Variants in PLPPR1 observed in about 807,000 individuals in gnomAD.
PLPPR1 encodes the protein phospholipid phosphatase related 1, also known as phospholipid phosphatase-related protein type 1.
A neutral mutation model predicts 33.1 loss-of-function variants in PLPPR1; 10 were observed. The ratio of observed to expected loss-of-function variants is 0.30; its 90% confidence interval spans 0.19 to 0.51. The LOEUF is 0.51. Among genes scored for constraint, PLPPR1 ranks in the 20% least tolerant of loss-of-function variants. The pLI is 0.97. For synonymous variants in PLPPR1, 151 were observed against 151.0 expected (o/e 1.00, Z 0.00); for missense variants, 304 against 408.1 (o/e 0.74, Z 2.20).
At chr9:101,174,265 C>T (rs1825987667) in intron 1 of PLPPR1, among the ~76,000 whole-genome samples, 1 of 152,186 alleles carries the variant, frequency 6.6e-6, no homozygotes, top group African/African-American at 2.4e-5. Flanking sequence ...TTGTTGTTGC[C>T]TAGCTTTTTA....
intron 1 of PLPPR1, among the ~76,000 whole-genome samples, chr9:101,168,799 G>A (rs1387382153): frequency 6.6e-6 from 1 of 152,066 alleles, no homozygotes; most frequent in Admixed American, 6.6e-5. Context: ...CTAAAATATG[G>A]CCCATTTTAC....
intron 2 of PLPPR1, among the ~76,000 whole-genome samples, chr9:101,259,659 C>T (rs1321514319): frequency 6.6e-6 from 1 of 152,140 alleles, no homozygotes; most frequent in Non-Finnish European, 1.5e-5. Context: ...GTCCTGATGA[C>T]ATGTGCCCTA....
intron 2 of PLPPR1, among the ~76,000 whole-genome samples, chr9:101,189,038 T>C (rs1046894851): frequency 6.6e-6 from 1 of 152,090 alleles, no homozygotes. Flanking sequence ...ATGAAGAGAT[T>C]CCAATTCTGA....
In PLPPR1 at chr9:101,294,707, G is replaced by A. The variant is rs574342372; in HGVS notation, c.385+8471G>A. ...ACAGAACCAAAGACAAAAACCACAT[G>A]ATTATCTCAATAGATGCAGAAAAGG... On this transcript the variant is annotated intron_variant, in intron 4 of 7. Transcript: ENST00000374874. Among the ~76,000 whole-genome samples, 983 of 152,174 alleles carry A rather than the reference G, an allele frequency of 6.5e-3. 7 individuals are homozygous for A. The highest frequency in any genetic ancestry group is 0.023 in the African/African-American group (952 of 41,480).
chr9:101,154,596 GC>G (rs1350682218), intron 1 of PLPPR1, among the ~76,000 whole-genome samples: 2 of 152,036 alleles, frequency 1.3e-5, no homozygotes, highest in African/African-American at 4.8e-5. Flanking sequence ...ATTTGACCCA[GC>G]CATCCCATTA....
chr9:101,072,101 A>G (rs1830488452), intron 1 of PLPPR1, among the ~76,000 whole-genome samples: 1 of 152,130 alleles, frequency 6.6e-6, no homozygotes, highest in Non-Finnish European at 1.5e-5. Context: ...CTATTTTAGT[A>G]GTGTATTAGT....
At chr9:101,058,537 A>T (rs769071392) in intron 1 of PLPPR1, among the ~76,000 whole-genome samples, 1 of 152,160 alleles carries the variant, frequency 6.6e-6, no homozygotes, top group Non-Finnish European at 1.5e-5. Flanking sequence ...AGATGCAACT[A>T]CTTAGACTGC....
intron 2 of PLPPR1, among the ~76,000 whole-genome samples, chr9:101,244,891 A>T (rs1588092853): frequency 6.6e-6 from 1 of 152,048 alleles, no homozygotes. Flanking sequence ...TAGAATGCAA[A>T]AAAACACATA....
chr9:101,324,269 A>T lies in PLPPR1; in HGVS notation c.*212A>T. On this transcript the variant is annotated 3_prime_UTR_variant, in exon 8 of 8. Coordinates refer to ENST00000374874, the MANE Select transcript of PLPPR1 (RefSeq NM_207299.2). ...GTCAGCTTTAATATATTTATGCCAGAATTTTAAAACCAACAAAATTTTCTT... is the reference window on the plus strand; with the variant it reads ...GTCAGCTTTAATATATTTATGCCAGTATTTTAAAACCAACAAAATTTTCTT... 1 of 430,900 alleles carries T rather than the reference A, an allele frequency of 2.3e-6. No homozygotes were observed. Among genetic ancestry groups the T allele is most frequent in the Non-Finnish European group, 4.1e-6 (1 of 243,838 alleles). The allele number at this position is 430,900 out of a possible 1,614,324, so 26.7% of individuals were successfully genotyped here. A position where few individuals can be genotyped will look rare whatever the true frequency, so the allele number is the denominator to read the frequency against.
intron 5 of PLPPR1, among the ~76,000 whole-genome samples, chr9:101,309,701 A>G (rs1354834825): frequency 6.6e-6 from 1 of 152,112 alleles, no homozygotes; most frequent in Non-Finnish European, 1.5e-5. Context: ...ACCTAATTAC[A>G]TCCTCCCATT....
chr9:101,223,148 CAAAAAAAAAAAA>C (rs869205435), intron 2 of PLPPR1, among the ~76,000 whole-genome samples: 1 of 23,722 alleles, frequency 4.2e-5, no homozygotes, highest in Non-Finnish European at 8.8e-5. Flanking sequence ...CCCATCTCTA[CAAAAAAAAAAAA>C]AAAAAAAAAA....
At chr9:101,295,418 C>T (rs975998832) in intron 4 of PLPPR1, among the ~76,000 whole-genome samples, 5 of 152,004 alleles carry the variant, frequency 3.3e-5, no homozygotes, top group Admixed American at 3.3e-4. Flanking sequence ...ATCAAGCTAC[C>T]AATGACTTTC....
chr9:101,176,504 A>G (rs1826021615), intron 1 of PLPPR1, among the ~76,000 whole-genome samples: 1 of 152,168 alleles, frequency 6.6e-6, no homozygotes, highest in African/African-American at 2.4e-5. Context: ...GACAAATAAC[A>G]ATGCCACCTT....
chr9:101,219,470 A>G (rs1318845903), intron 2 of PLPPR1, among the ~76,000 whole-genome samples: 1 of 152,218 alleles, frequency 6.6e-6, no homozygotes, highest in Non-Finnish European at 1.5e-5. Flanking sequence ...TGTTAGACTG[A>G]ACTAGGCAGT....
chr9:101,252,326 G>T (rs941031519), intron 2 of PLPPR1, among the ~76,000 whole-genome samples: 7 of 152,056 alleles, frequency 4.6e-5, no homozygotes, highest in African/African-American at 1.7e-4. Flanking sequence ...GATGAACTAG[G>T]TGTTCACCTG....
chr9:101,294,042 T>C (rs1167308059), intron 4 of PLPPR1, among the ~76,000 whole-genome samples: 2 of 152,036 alleles, frequency 1.3e-5, no homozygotes, highest in South Asian at 4.2e-4. Context: ...ATCAACAAAA[T>C]TGATAGACCG....
At chr9:101,126,576 A>G (rs1324984012) in intron 1 of PLPPR1, among the ~76,000 whole-genome samples, 1 of 152,154 alleles carries the variant, frequency 6.6e-6, no homozygotes, top group Non-Finnish European at 1.5e-5. Context: ...CTCAGATTCC[A>G]CTGGGTCTTA....
chr9:101,256,578 G>A (rs1028214769), intron 2 of PLPPR1, among the ~76,000 whole-genome samples: 1 of 152,056 alleles, frequency 6.6e-6, no homozygotes, highest in Non-Finnish European at 1.5e-5. Context: ...GAAATTCCAG[G>A]GGTGGTGCTC....
intron 2 of PLPPR1, 67 bp from the exon 3 acceptor site, chr9:101,269,813 G>A (rs1343308551): frequency 1.4e-6 from 2 of 1,478,496 alleles, no homozygotes; most frequent in African/African-American, 2.8e-5. Flanking sequence ...GAGGGAGTGT[G>A]CTCTGAGGGG....
Sources: allele counts gnomAD v4.1 joint callset (sites outside exome capture counted in the v4.1 genomes callset), GRCh38; gene constraint gnomAD v4.1.1; transcripts MANE v1.5; gene names NCBI Gene and HGNC (gene_info 2026-07-23, HGNC 2026-07-21).